PCDH7: variants seen among roughly 807,000 people sequenced by gnomAD.
PCDH7 encodes the protein protocadherin-7.
PCDH7 carries 17 observed loss-of-function variants against 58.9 expected under a neutral mutation model. The ratio of observed to expected loss-of-function variants is 0.29; its 90% CI spans 0.20 to 0.43. The LOEUF is 0.43. Among genes scored for constraint, PCDH7 ranks in the 20% least tolerant of loss-of-function variants. The pLI is 1.00. For synonymous variants in PCDH7, 664 were observed against 616.4 expected, an observed-to-expected ratio of 1.08 and a Z score of -1.14; for missense variants, 1,274 against 1,441.0, an observed-to-expected ratio of 0.88 and a Z score of 1.88.
At chr4:30,885,292 C>A (rs1248582769) in intron 1 of PCDH7, 1 of 152,176 alleles carries the variant, frequency 6.6e-6, no homozygotes, top group East Asian at 1.9e-4. Context: ...CTCAGTTCCA[C>A]TTCTGGCTCT....
chr4:30,905,631 T>C (rs1196846390), intron 1 of PCDH7, among the ~76,000 whole-genome samples: 1 of 152,214 alleles, frequency 6.6e-6, no homozygotes, highest in Non-Finnish European at 1.5e-5. Context: ...AATAAGTCTC[T>C]GTTGGATTGC....
chr4:30,764,361 A>G (rs1447284315), intron 1 of PCDH7, among the ~76,000 whole-genome samples: 2 of 152,176 alleles, frequency 1.3e-5, no homozygotes, highest in African/African-American at 4.8e-5. Flanking sequence ...GTACTTTACC[A>G]TATAGTTTTA....
At chr4:31,007,690 C>G (rs1752882788) in intron 3 of PCDH7, among the ~76,000 whole-genome samples, 2 of 150,942 alleles carry the variant, frequency 1.3e-5, no homozygotes, top group Non-Finnish European at 2.9e-5. Flanking sequence ...ATGGAAATTA[C>G]TTGGAGAAAC....
In PCDH7 at chr4:30,894,286, T is replaced by A. The variant is rs1474280829; in HGVS notation, c.71-25867T>A. On this transcript the variant is annotated intron_variant, in intron 1 of 3. Coordinates refer to the PCDH7 transcript ENST00000509759. ...AAGAACAGCTTTGCTACTTTTAAAGTCCTATTAAGTCGGGGAGTTGTTAGA... is the reference window on the plus strand; with the variant it reads ...AAGAACAGCTTTGCTACTTTTAAAGACCTATTAAGTCGGGGAGTTGTTAGA... 2.0e-5 allele frequency among the ~76,000 whole-genome samples: 3 copies of A among 150,902 alleles called. No homozygotes were observed. In the Admixed American group the frequency reaches 2.0e-4, roughly 10 times the overall value.
intron 1 of PCDH7, among the ~76,000 whole-genome samples, chr4:30,811,925 T>C (rs1338752106): frequency 1.3e-5 from 2 of 152,136 alleles, no homozygotes; most frequent in Non-Finnish European, 2.9e-5. Flanking sequence ...CCAGAAAGGT[T>C]AACCAAAGCC....
At chr4:30,945,462 G>T (rs1746553744) in intron 2 of PCDH7, among the ~76,000 whole-genome samples, 1 of 151,724 alleles carries the variant, frequency 6.6e-6, no homozygotes. Flanking sequence ...TAAATCTCAG[G>T]AATACTAGAA....
intron 3 of PCDH7, among the ~76,000 whole-genome samples, chr4:31,087,260 C>T (rs969621908): frequency 1.3e-5 from 2 of 151,936 alleles, no homozygotes; most frequent in Non-Finnish European, 2.9e-5. Context: ...GGTGTCTGCA[C>T]CTTTTTTTCA....
At chr4:30,910,485 G>A (rs568596669) in intron 1 of PCDH7, among the ~76,000 whole-genome samples, 5 of 151,848 alleles carry the variant, frequency 3.3e-5, no homozygotes, top group South Asian at 4.2e-4. Context: ...ATGCAACCCC[G>A]TTAAAAAGTG....
At chr4:30,912,560 GAC>G (rs1203421225) in intron 1 of PCDH7, among the ~76,000 whole-genome samples, 1 of 152,168 alleles carries the variant, frequency 6.6e-6, no homozygotes, top group Non-Finnish European at 1.5e-5. Context: ...ATGTGACTGA[GAC>G]AGCTGTATGT....
intron 1 of PCDH7, among the ~76,000 whole-genome samples, chr4:30,828,641 A>G (rs551126255): frequency 6.6e-6 from 1 of 152,024 alleles, no homozygotes; most frequent in Non-Finnish European, 1.5e-5. Flanking sequence ...GCAAAAAAAC[A>G]TAAGGCTGGT....
At chr4:30,905,373 G>A (rs985791525) in intron 1 of PCDH7, among the ~76,000 whole-genome samples, 6 of 151,618 alleles carry the variant, frequency 4.0e-5, no homozygotes, top group Admixed American at 6.6e-5. Context: ...ATTCAGCTGC[G>A]TCTGGAACTC....
chr4:30,864,432 A>AACACACACACACACACAC (rs5857208), intron 1 of PCDH7, among the ~76,000 whole-genome samples: 1 of 146,570 alleles, frequency 6.8e-6, no homozygotes, highest in Non-Finnish European at 1.5e-5. Flanking sequence ...ATTATTGGAG[A>AACACACACACACACACAC]ACACACACAC....
rs191226702 is a variant in PCDH7, at chr4:30,933,684, A to G, written c.287+13315A>G. On this transcript the variant is annotated intron_variant, in intron 2 of 3. Transcript: ENST00000509759. ...CTAAACATTCACCAACTATCTATCA[A>G]TTTTTTAGTTGTTTACTTGGTAGTT... 2.6e-5 allele frequency among the ~76,000 whole-genome samples: 4 copies of G among 152,024 alleles called. No individual in the cohort carries two copies. The East Asian group carries it at 5.8e-4, about 22-fold the overall frequency.
chr4:31,131,352 G>A (rs954326161), intron 3 of PCDH7, among the ~76,000 whole-genome samples: 1 of 152,082 alleles, frequency 6.6e-6, no homozygotes, highest in South Asian at 2.1e-4. Context: ...ATTGAGTTTT[G>A]TTTGCTGGTC....
intron 1 of PCDH7, among the ~76,000 whole-genome samples, chr4:30,847,367 C>T (rs1006406965): frequency 6.6e-6 from 1 of 152,088 alleles, no homozygotes; most frequent in Non-Finnish European, 1.5e-5. Flanking sequence ...TTGCAGGCCT[C>T]CCTTTGTGCT....
At chr4:31,032,232 C>T (rs1754988831) in intron 3 of PCDH7, among the ~76,000 whole-genome samples, 1 of 152,174 alleles carries the variant, frequency 6.6e-6, no homozygotes, top group Admixed American at 6.5e-5. Context: ...CAAGATCATA[C>T]ATCTAGAGAA....
intron 1 of PCDH7, among the ~76,000 whole-genome samples, chr4:30,870,508 G>T (rs1578115122): frequency 6.6e-6 from 1 of 152,058 alleles, no homozygotes; most frequent in East Asian, 1.9e-4. Context: ...GTCTCATTTG[G>T]AAATTTTTGT....
At chr4:31,011,774 T>A (rs1204929727) in intron 3 of PCDH7, among the ~76,000 whole-genome samples, 6 of 151,998 alleles carry the variant, frequency 3.9e-5, no homozygotes, top group African/African-American at 1.4e-4. Context: ...AAATTAATGT[T>A]TGGGGCTATA....
rs529898750 is a variant in PCDH7 at position 31,118,592 on chromosome 4, A to G, written c.*8-23881A>G. Among the ~76,000 whole-genome samples, 8 of 152,260 alleles carry G rather than the reference A, an allele frequency of 5.3e-5. No individual in the cohort carries two copies. In the East Asian group the frequency reaches 9.7e-4, roughly 18 times the overall value. Reference sequence around the variant, plus strand: ...AAAACAGGATGTCAACCTGAGTAGTATCTAATTTCAAATCTGTTTGGGGAT... The same window carrying G: ...AAAACAGGATGTCAACCTGAGTAGTGTCTAATTTCAAATCTGTTTGGGGAT... On this transcript the variant is annotated intron_variant, in intron 3 of 3. Transcript: ENST00000509759.
Sources: gnomAD v4.1 joint callset for allele counts (sites outside exome capture counted in the v4.1 genomes callset) on GRCh38, gnomAD v4.1.1 for gene constraint, MANE v1.5 for transcripts, NCBI Gene and HGNC (gene_info 2026-07-23, HGNC 2026-07-21) for gene names.